KCTD16: variants seen among roughly 807,000 people sequenced by gnomAD.
KCTD16 encodes BTB/POZ domain-containing protein KCTD16.
Under a neutral mutation model 33.2 loss-of-function variants are expected in KCTD16, and 13 were observed. The ratio of observed to expected loss-of-function variants is 0.39; its 90% CI spans 0.25 to 0.62. The LOEUF (loss-of-function observed/expected upper bound fraction) is 0.62. KCTD16 is among the 20% of genes least tolerant of loss of function. The pLI is 0.50. For missense variants in KCTD16, 441 were observed against 525.1 expected (o/e 0.84, Z 1.57); for synonymous variants, 197 against 195.3 (o/e 1.01, Z -0.07).
chr5:144,331,313 A>G (rs1021133720), intron 3 of KCTD16, among the ~76,000 whole-genome samples: 9 of 152,198 alleles, frequency 5.9e-5, no homozygotes, highest in Non-Finnish European at 1.3e-4. Context: ...ACCTCAAGGC[A>G]CAGCACCATT....
chr5:144,247,828 C>T (rs190942387), intron 3 of KCTD16, among the ~76,000 whole-genome samples: 10 of 152,264 alleles, frequency 6.6e-5, no homozygotes, highest in East Asian at 3.9e-4. Context: ...GGGTGTCCAA[C>T]GGTGTCTTCT....
chr5:144,349,729 C>T (rs181580474), intron 3 of KCTD16, among the ~76,000 whole-genome samples: 3 of 152,270 alleles, frequency 2.0e-5, no homozygotes, highest in Admixed American at 6.5e-5. Context: ...CCCTGGGGTC[C>T]TATCCCTGGC....
intron 3 of KCTD16, among the ~76,000 whole-genome samples, chr5:144,445,385 T>A (rs1216037938): frequency 6.6e-6 from 1 of 152,058 alleles, no homozygotes; most frequent in African/African-American, 2.4e-5. Flanking sequence ...TGGACTGCAA[T>A]TCGAATCTCC....
rs1210923524 is a variant in KCTD16 at position 144,186,365 on chromosome 5, A to AAAAG, written c.-327+11896_-327+11897insGAAA. Reference sequence around the variant, plus strand: ...TCTCATTTTTTTTAAAAAAAAAAAGAAAAAAAAAAAAACTAATGGCTTATT... The same window carrying AAAAG: ...TCTCATTTTTTTTAAAAAAAAAAAGAAAAGAAAAAAAAAAAACTAATGGCTTATT... On this transcript the variant is annotated intron_variant, in intron 2 of 3. Transcript: ENST00000512467. Among the ~76,000 whole-genome samples, 3 of 27,664 alleles carry AAAAG rather than the reference A, an allele frequency of 1.1e-4. 1 individual carries two copies. The highest frequency in any genetic ancestry group is 2.4e-4 in the Admixed American group (1 of 4,088). 18.1% of individuals were successfully genotyped at this position (27,664 alleles called of 152,430 possible). A position where few individuals can be genotyped will look rare whatever the true frequency, so the allele number is the denominator to read the frequency against.
chr5:144,345,694 A>G (rs1230534199), intron 3 of KCTD16, among the ~76,000 whole-genome samples: 2 of 151,862 alleles, frequency 1.3e-5, no homozygotes, highest in African/African-American at 4.9e-5. Flanking sequence ...TCCCACAGAC[A>G]TTAAAAAAAA....
rs1022582548 is a variant in KCTD16, at chr5:144,206,509, G to T, written c.-206G>T. On this transcript the variant is annotated 5_prime_UTR_variant, in exon 3 of 4. Coordinates refer to ENST00000512467, the MANE Select transcript of KCTD16 (RefSeq NM_020768.4). ...AGCTCACTACCATCCACCATCCAGG[G>T]TTTAAACTACTTTTTCAGCATCACT... is the stretch of plus-strand genomic sequence containing the variant. The T allele has an allele frequency of 5.6e-6, 3 of 532,898 alleles. No individual in the cohort carries two copies. Among genetic ancestry groups the T allele is most frequent in the South Asian group, 6.8e-5 (2 of 29,470 alleles). The allele number at this position is 532,898 out of a possible 1,614,324, so 33.0% of individuals were successfully genotyped here.
At chr5:144,342,391 T>G (rs1580886891) in intron 3 of KCTD16, among the ~76,000 whole-genome samples, 2 of 152,346 alleles carry the variant, frequency 1.3e-5, no homozygotes, top group South Asian at 4.1e-4. Context: ...GTTATTGGTG[T>G]ATAAGAACGC....
At chr5:144,264,402 T>C (rs76527573) in intron 3 of KCTD16, among the ~76,000 whole-genome samples, 7,272 of 152,286 alleles carry the variant, frequency 0.048, 603 homozygotes, top group African/African-American at 0.17. Flanking sequence ...TTAATACATA[T>C]GTAAATTTGG....
intron 3 of KCTD16, among the ~76,000 whole-genome samples, chr5:144,453,440 A>G (rs1334971751): frequency 6.6e-6 from 1 of 152,060 alleles, no homozygotes; most frequent in Non-Finnish European, 1.5e-5. Context: ...TGTCTTTATG[A>G]TCTGTATGAA....
intron 3 of KCTD16, among the ~76,000 whole-genome samples, chr5:144,287,912 G>T (rs984355042): frequency 6.6e-6 from 1 of 152,134 alleles, no homozygotes; most frequent in Non-Finnish European, 1.5e-5. Flanking sequence ...GGGATTACAG[G>T]CATGAGACAA....
chr5:144,446,956 G>T (rs913194526), intron 3 of KCTD16, among the ~76,000 whole-genome samples: 3 of 152,154 alleles, frequency 2.0e-5, no homozygotes, highest in Non-Finnish European at 4.4e-5. Flanking sequence ...TACACTGTTG[G>T]TGGGAGTGTA....
chr5:144,397,876 A>T (rs1752610102), intron 3 of KCTD16, among the ~76,000 whole-genome samples: 1 of 152,156 alleles, frequency 6.6e-6, no homozygotes, highest in Non-Finnish European at 1.5e-5. Context: ...CCATGAAAAG[A>T]ATTTATCTCT....
At chr5:144,222,222 T>G (rs1306434853) in intron 3 of KCTD16, among the ~76,000 whole-genome samples, 1 of 152,196 alleles carries the variant, frequency 6.6e-6, no homozygotes, top group Non-Finnish European at 1.5e-5. Flanking sequence ...TTGCCAGTTC[T>G]AACTGCTTTT....
At chr5:144,232,742 AG>A (rs1473324455) in intron 3 of KCTD16, among the ~76,000 whole-genome samples, 1 of 152,224 alleles carries the variant, frequency 6.6e-6, no homozygotes, top group East Asian at 1.9e-4. Context: ...ACATGAAAAA[AG>A]TAAAAGGAAA....
chr5:144,185,093 A>T (rs1406477029), intron 2 of KCTD16, among the ~76,000 whole-genome samples: 2 of 152,248 alleles, frequency 1.3e-5, no homozygotes, highest in Non-Finnish European at 2.9e-5. Context: ...GATACTGTTA[A>T]CTATCTTCAT....
intron 3 of KCTD16, among the ~76,000 whole-genome samples, chr5:144,456,489 G>A (rs1036392941): frequency 2.0e-5 from 3 of 152,094 alleles, no homozygotes; most frequent in Non-Finnish European, 4.4e-5. Context: ...ACACAGGGGG[G>A]TCAGGGGTAG....
In KCTD16 at chr5:144,178,102, G is replaced by C. The variant is rs148856444; in HGVS notation, c.-327+3630G>C. On this transcript the variant is annotated intron_variant, in intron 2 of 3. Coordinates refer to ENST00000512467, the MANE Select transcript of KCTD16 (RefSeq NM_020768.4). Reference sequence around the variant, plus strand: ...GTTTAAAGTCAATCTCATGCTTGTAGAAAGACACATGCTGGAATATTTTTC... The same window carrying C: ...GTTTAAAGTCAATCTCATGCTTGTACAAAGACACATGCTGGAATATTTTTC... Among the ~76,000 whole-genome samples the C allele has an allele frequency of 2.8e-3, 433 of 152,230 alleles. 1 individual carries two copies. The highest frequency in any genetic ancestry group is 5.2e-3 in the Non-Finnish European group (356 of 68,004).
chr5:144,387,138 A>ATTTTTTTTTTT, intron 3 of KCTD16, among the ~76,000 whole-genome samples: 1 of 116,162 alleles, frequency 8.6e-6, no homozygotes, highest in Non-Finnish European at 1.7e-5. Context: ...GGCTAATTTA[A>ATTTTTTTTTTT]TTTTTTTTTT....
intron 2 of KCTD16, among the ~76,000 whole-genome samples, chr5:144,183,437 A>G (rs1752666218): frequency 6.6e-6 from 1 of 152,150 alleles, no homozygotes; most frequent in Non-Finnish European, 1.5e-5. Context: ...TTTCGTCTCT[A>G]CAATTTCACA....
Sources: gnomAD v4.1 joint callset for allele counts (sites outside exome capture counted in the v4.1 genomes callset) on GRCh38, gnomAD v4.1.1 for gene constraint, MANE v1.5 for transcripts, NCBI Gene and HGNC (gene_info 2026-07-23, HGNC 2026-07-21) for gene names.